Variants in SGIP1 observed in about 807,000 individuals in gnomAD.
The protein encoded by SGIP1 is SH3-containing GRB2-like protein 3-interacting protein 1.
SGIP1 carries 38 observed loss-of-function variants against 107.5 expected under a neutral mutation model. That is an observed-to-expected ratio of 0.35 (90% CI 0.27 to 0.46). The LOEUF is 0.46. Among genes scored for constraint, SGIP1 ranks in the 20% least tolerant of loss-of-function variants. SGIP1 has a pLI of 1.00. For missense variants in SGIP1, 929 were observed against 1,019.5 expected, an observed-to-expected ratio of 0.91 and a Z score of 1.21; for synonymous variants, 365 against 366.1, an observed-to-expected ratio of 1.00 and a Z score of 0.03.
At chr1:66,561,557 A>G (rs1160200619) in intron 1 of SGIP1, among the ~76,000 whole-genome samples, 1 of 152,102 alleles carries the variant, frequency 6.6e-6, no homozygotes, top group Non-Finnish European at 1.5e-5. Flanking sequence ...TAGAGTCTAC[A>G]GAGCACTCTC....
chr1:66,706,797 A>G (rs545606152), intron 18 of SGIP1, among the ~76,000 whole-genome samples: 13 of 152,216 alleles, frequency 8.5e-5, no homozygotes, highest in South Asian at 4.1e-4. Context: ...GCGTGTGTGC[A>G]TGTATAGTTT....
chr1:66,682,868 C>T (rs528197530), intron 15 of SGIP1, among the ~76,000 whole-genome samples: 15 of 151,376 alleles, frequency 9.9e-5, no homozygotes, highest in African/African-American at 1.5e-4. Flanking sequence ...GGAAGAACCA[C>T]GTTAACCCCT....
intron 18 of SGIP1, among the ~76,000 whole-genome samples, chr1:66,699,262 C>CGGGA (rs1236572374): frequency 2.0e-5 from 3 of 152,112 alleles, no homozygotes; most frequent in African/African-American, 7.2e-5. Flanking sequence ...ATTCTCTTAG[C>CGGGA]TCCCTATTGC....
intron 1 of SGIP1, among the ~76,000 whole-genome samples, chr1:66,585,291 T>A (rs114362199): frequency 1.3e-5 from 2 of 152,192 alleles, no homozygotes; most frequent in African/African-American, 4.8e-5. Context: ...CTTACATTTG[T>A]TTTGTGCTGA....
chr1:66,730,438 C>T (rs1211845729), intron 20 of SGIP1, among the ~76,000 whole-genome samples: 1 of 152,134 alleles, frequency 6.6e-6, no homozygotes, highest in African/African-American at 2.4e-5. Flanking sequence ...ACAGCTTCTC[C>T]ATCAAGTCCT....
chr1:66,597,441 G>A (rs577371715), intron 1 of SGIP1, among the ~76,000 whole-genome samples: 10 of 152,314 alleles, frequency 6.6e-5, no homozygotes, highest in African/African-American at 2.4e-4. Flanking sequence ...AAATAACTAA[G>A]CAAAAGTGAG....
chr1:66,729,952 C>T (rs2093932099), intron 20 of SGIP1, among the ~76,000 whole-genome samples: 1 of 152,262 alleles, frequency 6.6e-6, no homozygotes, highest in African/African-American at 2.4e-5. Flanking sequence ...CAGGCGCCCA[C>T]CACCACACCT....
At chr1:66,643,450 G>T (rs2149495753) in intron 6 of SGIP1, 94 bp from the exon 7 acceptor site, 9 of 987,190 alleles carry the variant, frequency 9.1e-6, no homozygotes, top group South Asian at 1.6e-5. Context: ...GCCATCTAAG[G>T]ATACTTTTGC....
At position 66,748,825 on chromosome 1, in the gene SGIP1, C is replaced by G. The variant is rs1449595770; in HGVS notation, c.*5730C>G. On this transcript the variant is annotated 3_prime_UTR_variant, in exon 25 of 25. Transcript: ENST00000371037. ...ACAAATGGTCCTATACTATAATTCT[C>G]TCTCCTTGGACATTGACAATAAATG... 6.6e-6 allele frequency among the ~76,000 whole-genome samples: 1 copy of G among 151,900 alleles called. No individual in the cohort carries two copies. Among genetic ancestry groups the G allele is most frequent in the Non-Finnish European group, 1.5e-5 (1 of 67,864 alleles).
chr1:66,658,787 T>C (rs1351162131), intron 7 of SGIP1, among the ~76,000 whole-genome samples: 1 of 152,246 alleles, frequency 6.6e-6, no homozygotes, highest in Non-Finnish European at 1.5e-5. Context: ...AGAAAGGCCT[T>C]CAATATTTGT....
At chr1:66,594,199 AT>A (rs1427701193) in intron 1 of SGIP1, among the ~76,000 whole-genome samples, 2 of 147,016 alleles carry the variant, frequency 1.4e-5, no homozygotes, top group African/African-American at 2.5e-5. Context: ...AAGGAAAAAA[AT>A]ATAAACTTTT....
At chr1:66,602,282 G>A (rs2065983523) in intron 1 of SGIP1, among the ~76,000 whole-genome samples, 1 of 152,208 alleles carries the variant, frequency 6.6e-6, no homozygotes, top group Non-Finnish European at 1.5e-5. Context: ...TGTGACCTGA[G>A]CTTCCCAAAT....
intron 1 of SGIP1, among the ~76,000 whole-genome samples, chr1:66,557,054 C>A (rs1200234139): frequency 6.6e-6 from 1 of 151,956 alleles, no homozygotes; most frequent in Non-Finnish European, 1.5e-5. Flanking sequence ...TTGTAGGTAC[C>A]CTGAGATGTG....
intron 18 of SGIP1, among the ~76,000 whole-genome samples, chr1:66,712,581 T>G (rs913239957): frequency 6.6e-6 from 1 of 152,168 alleles, no homozygotes; most frequent in Non-Finnish European, 1.5e-5. Context: ...TTTCCTCTTT[T>G]TTTTCTAATT....
In SGIP1 at chr1:66,745,780, T is replaced by C. The variant is rs1036400118; in HGVS notation, c.*2685T>C. On this transcript the variant is annotated 3_prime_UTR_variant, in exon 25 of 25. Coordinates refer to ENST00000371037, the MANE Select transcript of SGIP1 (RefSeq NM_032291.4). ...AAAAAGTATAAATGATGCTACTTTA[T>C]TTTGGCAACATGGAAATTTTGTTTT... The C allele has an allele frequency of 6.6e-6, 1 of 152,124 alleles. No homozygotes were observed. The highest frequency in any genetic ancestry group is 2.4e-5 in the African/African-American group (1 of 41,464). The allele number at this position is 152,124 out of a possible 1,614,324, so 9.4% of individuals were successfully genotyped here.
Position 66,681,933 on chromosome 1 carries a change from C to T in SGIP1, c.879C>T (p.Ser293=), listed in dbSNP as rs1385845621. Residue 293 remains serine, a synonymous_variant, in exon 15 of 25, where the codon AGC becomes AGT. Transcript: ENST00000371037. The part of the protein sequence containing the change: ...EKLPSINDLD[S]IFGPVLSPKS... The stretch of plus-strand genomic sequence containing the variant: ...TACCATCCATCAATGACTTGGACAG[C>T]ATTTTTGGGCCAGTATTGTCCCCCA... 1 of 1,614,074 alleles carries T rather than the reference C, an allele frequency of 6.2e-7. No individual in the cohort carries two copies. The highest frequency in any genetic ancestry group is 8.5e-7 in the Non-Finnish European group (1 of 1,180,036).
At chr1:66,566,271 T>C (rs1363472307) in intron 1 of SGIP1, among the ~76,000 whole-genome samples, 1 of 152,034 alleles carries the variant, frequency 6.6e-6, no homozygotes, top group Non-Finnish European at 1.5e-5. Flanking sequence ...ATGTGAATAA[T>C]GAGCAAGAGT....
At chr1:66,729,017 A>T (rs1185608032) in intron 19 of SGIP1, among the ~76,000 whole-genome samples, 1 of 152,154 alleles carries the variant, frequency 6.6e-6, no homozygotes, top group Non-Finnish European at 1.5e-5. Flanking sequence ...TATGCTTAGT[A>T]CCCAGGTGAC....
At position 66,682,019 on chromosome 1, in the gene SGIP1, A is replaced by G. The variant is rs769843697; in HGVS notation, c.965A>G (p.His322Arg). The G allele has an allele frequency of 1.5e-5, 25 of 1,614,030 alleles. No individual in the cohort carries two copies. Among genetic ancestry groups the G allele is most frequent in the East Asian group, 1.1e-4 (5 of 44,876 alleles). Residue 322 changes from histidine (H) to arginine (R), a missense_variant, in exon 15 of 25, where the codon CAT becomes CGT. By Grantham distance (29) the His-to-Arg change is conservative. This residue lies in a region of SGIP1 where 588 missense variants were observed against 588.6 expected (regional missense o/e 1.00). Transcript: ENST00000371037. ...WVHFSDTSPE[H>R]VTPELTPREK... is the part of the protein sequence containing the mutation. ...CATTTTTCTGATACATCCCCGGAAC[A>G]TGTTACTCCGGAGTTGACTCCAAGG... is the stretch of plus-strand genomic sequence containing the variant.
Sources: gnomAD v4.1 joint callset for allele counts (sites outside exome capture counted in the v4.1 genomes callset) on GRCh38, gnomAD v4.1.1 for gene constraint, gnomAD v4.1.1 regional missense constraint, MANE v1.5 for transcripts, NCBI Gene and HGNC (gene_info 2026-07-23, HGNC 2026-07-21) for gene names.